The following GPC6 variants were observed in gnomAD, a reference collection of about 807,000 sequenced individuals.
GPC6 encodes glypican-6.
In GPC6, 14 loss-of-function variants were observed where a neutral mutation model predicts 55.2. The ratio of observed to expected loss-of-function variants is 0.25; its 90% CI spans 0.17 to 0.40. The LOEUF (loss-of-function observed/expected upper bound fraction) is 0.40. Among genes scored for constraint, GPC6 ranks in the 10% least tolerant of loss-of-function variants. The probability of loss-of-function intolerance (pLI) is 1.00; values close to 1 mark genes in which losing one functional copy is unlikely to be tolerated. For synonymous variants in GPC6, 278 were observed against 259.6 expected, an observed-to-expected ratio of 1.07 and a Z score of -0.68; for missense variants, 641 against 708.5, an observed-to-expected ratio of 0.90 and a Z score of 1.08.
At chr13:94,228,906 G>A (rs151005977) in intron 4 of GPC6, among the ~76,000 whole-genome samples, 1,816 of 152,310 alleles carry the variant, frequency 0.012, 18 homozygotes, top group Non-Finnish European at 0.019. Flanking sequence ...GGCCAATGGG[G>A]ATTACTTACA....
chr13:93,506,022 A>C (rs1227216693), intron 1 of GPC6, among the ~76,000 whole-genome samples: 2 of 152,154 alleles, frequency 1.3e-5, no homozygotes, highest in Non-Finnish European at 2.9e-5. Flanking sequence ...TGTTGTTGTC[A>C]TTGGATACAG....
At chr13:94,327,276 G>A (rs543030097) in intron 6 of GPC6, among the ~76,000 whole-genome samples, 1 of 152,258 alleles carries the variant, frequency 6.6e-6, no homozygotes, top group East Asian at 1.9e-4. Context: ...AAACTGCATG[G>A]CGGACGGGGC....
chr13:93,841,715 T>A (rs915738607), intron 3 of GPC6, among the ~76,000 whole-genome samples: 4 of 152,220 alleles, frequency 2.6e-5, no homozygotes, highest in Non-Finnish European at 5.9e-5. Context: ...CAGAATTTTT[T>A]AATTCATTTT....
chr13:93,329,503 A>G (rs182919376), intron 1 of GPC6, among the ~76,000 whole-genome samples: 35 of 152,296 alleles, frequency 2.3e-4, no homozygotes, highest in Admixed American at 1.3e-3. Flanking sequence ...TGTGTTGCTT[A>G]TTTAAAAAGG....
At chr13:93,799,010 A>G (rs1886291366) in intron 2 of GPC6, among the ~76,000 whole-genome samples, 2 of 152,142 alleles carry the variant, frequency 1.3e-5, no homozygotes, top group African/African-American at 4.8e-5. Flanking sequence ...TTAAAAAGCT[A>G]CATAGTAATA....
At chr13:94,330,573 C>T (rs1877358064) in intron 6 of GPC6, among the ~76,000 whole-genome samples, 2 of 152,142 alleles carry the variant, frequency 1.3e-5, no homozygotes, top group African/African-American at 4.8e-5. Flanking sequence ...ATCAGTATCA[C>T]CTGTTAAAAA....
intron 4 of GPC6, among the ~76,000 whole-genome samples, chr13:94,235,990 A>T (rs900055975): frequency 3.9e-5 from 6 of 152,192 alleles, no homozygotes; most frequent in Non-Finnish European, 8.8e-5. Flanking sequence ...AGAAGGGATT[A>T]ATTTCTGCCA....
intron 1 of GPC6, among the ~76,000 whole-genome samples, chr13:93,420,892 G>A (rs1430023116): frequency 6.6e-6 from 1 of 152,056 alleles, no homozygotes; most frequent in Non-Finnish European, 1.5e-5. Context: ...AGACAATACA[G>A]GTAATTCAAT....
intron 3 of GPC6, among the ~76,000 whole-genome samples, chr13:93,870,504 C>G (rs1289347080): frequency 1.3e-5 from 2 of 151,798 alleles, no homozygotes; most frequent in South Asian, 2.1e-4. Flanking sequence ...TATATTGCTG[C>G]ATAACCAGGT....
At chr13:93,348,975 G>T (rs1689758973) in intron 1 of GPC6, among the ~76,000 whole-genome samples, 1 of 152,146 alleles carries the variant, frequency 6.6e-6, no homozygotes, top group Non-Finnish European at 1.5e-5. Context: ...TCTGCTTAGA[G>T]ATGCTTCCAG....
intron 2 of GPC6, among the ~76,000 whole-genome samples, chr13:93,588,774 C>A (rs1020937179): frequency 2.0e-5 from 3 of 152,138 alleles, no homozygotes; most frequent in Non-Finnish European, 4.4e-5. Context: ...GCCCCCATGA[C>A]CCAAACACCA....
intron 3 of GPC6, among the ~76,000 whole-genome samples, chr13:93,876,303 C>A (rs1480840895): frequency 1.3e-5 from 2 of 151,748 alleles, no homozygotes; most frequent in African/African-American, 2.4e-5. Context: ...AACTTGATAT[C>A]TGAACTTAGG....
At chr13:94,294,017 G>A (rs1875174299) in intron 5 of GPC6, among the ~76,000 whole-genome samples, 1 of 152,134 alleles carries the variant, frequency 6.6e-6, no homozygotes, top group Non-Finnish European at 1.5e-5. Context: ...CCTCATCAAA[G>A]GCAGGGAAGA....
intron 6 of GPC6, among the ~76,000 whole-genome samples, chr13:94,355,957 G>T (rs1293470076): frequency 6.6e-6 from 1 of 152,002 alleles, no homozygotes; most frequent in East Asian, 1.9e-4. Context: ...ACAGGCCCCA[G>T]TGTGTATTGT....
intron 4 of GPC6, among the ~76,000 whole-genome samples, chr13:94,054,767 C>A (rs1884074001): frequency 6.6e-6 from 1 of 152,080 alleles, no homozygotes; most frequent in African/African-American, 2.4e-5. Flanking sequence ...GGTTAGGAGA[C>A]CTGTGGGAAA....
At chr13:94,304,424 G>T (rs1397722736) in intron 5 of GPC6, among the ~76,000 whole-genome samples, 1 of 152,182 alleles carries the variant, frequency 6.6e-6, no homozygotes, top group African/African-American at 2.4e-5. Flanking sequence ...GATGAAAAAT[G>T]GTTGTTTTAG....
At chr13:93,567,841 GTTA>G (rs1259471442) in intron 2 of GPC6, among the ~76,000 whole-genome samples, 2 of 152,104 alleles carry the variant, frequency 1.3e-5, no homozygotes, top group African/African-American at 4.8e-5. Context: ...TTTAGACCTA[GTTA>G]TTCTATAGAA....
chr13:93,617,747 G>GA (rs1450052502), intron 2 of GPC6, among the ~76,000 whole-genome samples: 1 of 152,076 alleles, frequency 6.6e-6, no homozygotes, highest in African/African-American at 2.4e-5. Context: ...TGTTTTCAGA[G>GA]AAATTATTTC....
At chr13:94,208,753 CAAAAAAAAAAAAAAAA>C (rs762261930) in intron 4 of GPC6, among the ~76,000 whole-genome samples, 12 of 36,228 alleles carry the variant, frequency 3.3e-4, no homozygotes, top group African/African-American at 4.5e-4. Flanking sequence ...TCCCATCTCC[CAAAAAAAAAAAAAAAA>C]AAAAAAAAAA....
Sources: gnomAD v4.1 joint callset for allele counts (sites outside exome capture counted in the v4.1 genomes callset) on GRCh38, gnomAD v4.1.1 for gene constraint, MANE v1.5 for transcripts, NCBI Gene and HGNC (gene_info 2026-07-23, HGNC 2026-07-21) for gene names.